SORCS2: variants seen among roughly 807,000 people sequenced by gnomAD.
The protein encoded by SORCS2 is sortilin related VPS10 domain containing receptor 2, also known as VPS10 domain-containing receptor SorCS2.
A neutral mutation model predicts 141.6 loss-of-function variants in SORCS2; 100 were observed. The observed-to-expected ratio is 0.71, with a 90% CI of 0.60 to 0.83. The LOEUF (loss-of-function observed/expected upper bound fraction) is 0.83. Among genes scored for constraint, SORCS2 ranks in the 40% least tolerant of loss-of-function variants. SORCS2 has a pLI of 0.00. For missense variants in SORCS2, 1,646 were observed against 1,560.2 expected (o/e 1.05, Z -0.93); for synonymous variants, 789 against 676.9 (o/e 1.17, Z -2.57).
chr4:7,338,246 T>C (rs1015811879), intron 1 of SORCS2, among the ~76,000 whole-genome samples: 2 of 145,592 alleles, frequency 1.4e-5, no homozygotes, highest in Non-Finnish European at 3.0e-5. Flanking sequence ...GAAGGATGGA[T>C]GGATGGATGG....
At chr4:7,628,379 C>T (rs577851765) in intron 3 of SORCS2, among the ~76,000 whole-genome samples, 4 of 151,996 alleles carry the variant, frequency 2.6e-5, no homozygotes, top group East Asian at 1.9e-4. Context: ...ATTAGCCTGG[C>T]GTGGTGGCGG....
At chr4:7,474,575 C>A (rs548096116) in intron 2 of SORCS2, among the ~76,000 whole-genome samples, 3 of 152,290 alleles carry the variant, frequency 2.0e-5, no homozygotes, top group African/African-American at 7.2e-5. Context: ...TCTGTGAATT[C>A]TGCATGGGGT....
At chr4:7,200,014 G>A (rs1386891814) in intron 1 of SORCS2, among the ~76,000 whole-genome samples, 4 of 144,868 alleles carry the variant, frequency 2.8e-5, no homozygotes, top group Non-Finnish European at 6.0e-5. Context: ...CAGTGGGGAA[G>A]CGCAGAGGTG....
intron 14 of SORCS2, among the ~76,000 whole-genome samples, chr4:7,709,129 CTGTT>C (rs148424884): frequency 1.3e-5 from 2 of 152,206 alleles, no homozygotes; most frequent in Admixed American, 1.3e-4. Context: ...TGCCTGCACT[CTGTT>C]TGTGTTGTGG....
intron 1 of SORCS2, among the ~76,000 whole-genome samples, chr4:7,324,288 GC>G (rs1289085571): frequency 6.6e-6 from 1 of 152,262 alleles, no homozygotes; most frequent in African/African-American, 2.4e-5. Context: ...GAGGCAGGTG[GC>G]TGCAGGGAGC....
intron 1 of SORCS2, among the ~76,000 whole-genome samples, chr4:7,195,860 T>G (rs1727138061): frequency 1.3e-5 from 2 of 152,244 alleles, no homozygotes; most frequent in African/African-American, 4.8e-5. Flanking sequence ...AGCAGTCTTC[T>G]TAACGTTTTC....
chr4:7,530,293 G>C (rs148623469), intron 2 of SORCS2, among the ~76,000 whole-genome samples: 3 of 152,226 alleles, frequency 2.0e-5, no homozygotes, highest in African/African-American at 7.2e-5. Flanking sequence ...GGCCACACAC[G>C]TCAGTGCAGG....
intron 1 of SORCS2, among the ~76,000 whole-genome samples, chr4:7,369,123 A>C (rs2109039718): frequency 1.3e-5 from 2 of 152,300 alleles, no homozygotes; most frequent in African/African-American, 4.8e-5. Context: ...CCTGGCTAAC[A>C]TGGTGAAACC....
intron 1 of SORCS2, among the ~76,000 whole-genome samples, chr4:7,220,801 G>A (rs931123075): frequency 1.3e-5 from 2 of 152,124 alleles, no homozygotes; most frequent in Admixed American, 6.5e-5. Context: ...CTTGGTCACC[G>A]AGCAGTGGGA....
chr4:7,620,452 C>G (rs998958410), intron 3 of SORCS2, among the ~76,000 whole-genome samples: 2 of 152,214 alleles, frequency 1.3e-5, no homozygotes, highest in Non-Finnish European at 2.9e-5. Context: ...ACCCCCACAT[C>G]CATCAGGCAT....
chr4:7,213,376 C>A (rs1309862108), intron 1 of SORCS2, among the ~76,000 whole-genome samples: 7 of 152,198 alleles, frequency 4.6e-5, no homozygotes, highest in African/African-American at 7.2e-5. Context: ...GCATGGAGGG[C>A]AGCCTGGGGA....
At position 7,513,168 on chromosome 4, in the gene SORCS2, G is replaced by T. The variant is rs1024204541; in HGVS notation, c.549-18362G>T. 5.3e-5 allele frequency among the ~76,000 whole-genome samples: 8 copies of T among 152,184 alleles called. No individual in the cohort carries two copies. In the South Asian group the frequency reaches 1.7e-3, roughly 31 times the overall value. ...TTCGCCTCTCTGAGCCTCAGTTTTC[G>T]AATCTCTAGAATGGGACCGTATGTA... On this transcript the variant is annotated intron_variant, in intron 2 of 26. Transcript: ENST00000507866.
chr4:7,592,113 A>G (rs751595851), intron 3 of SORCS2, among the ~76,000 whole-genome samples: 2 of 152,142 alleles, frequency 1.3e-5, no homozygotes, highest in Non-Finnish European at 2.9e-5. Flanking sequence ...TGAAAAAGAT[A>G]CGCTTCGAGT....
intron 2 of SORCS2, among the ~76,000 whole-genome samples, chr4:7,421,161 G>A (rs1033949761): frequency 1.3e-5 from 2 of 152,188 alleles, no homozygotes; most frequent in Admixed American, 1.3e-4. Flanking sequence ...ACAAGCTGTT[G>A]GCTGAAGCCC....
At chr4:7,363,395 C>T (rs1486107861) in intron 1 of SORCS2, among the ~76,000 whole-genome samples, 1 of 152,070 alleles carries the variant, frequency 6.6e-6, no homozygotes, top group African/African-American at 2.4e-5. Flanking sequence ...TTGCTACCAA[C>T]ACCATCACTG....
rs1343497194 is a variant in SORCS2 at position 7,437,062 on chromosome 4, A to G, written c.548+40707A>G. Reference sequence around the variant, plus strand: ...CAACGACCGATTCTTACAGACGCCAACTGGGAGCCCTGTAATTCCTTTCAG... The same window carrying G: ...CAACGACCGATTCTTACAGACGCCAGCTGGGAGCCCTGTAATTCCTTTCAG... On this transcript the variant is annotated intron_variant, in intron 2 of 26. Transcript: ENST00000507866. Among the ~76,000 whole-genome samples, 3 of 152,228 alleles carry G rather than the reference A, an allele frequency of 2.0e-5. No individual in the cohort carries two copies. In the East Asian group the frequency reaches 5.8e-4, roughly 29 times the overall value.
chr4:7,547,421 G>A (rs935581315), intron 3 of SORCS2, among the ~76,000 whole-genome samples: 10 of 152,150 alleles, frequency 6.6e-5, no homozygotes, highest in African/African-American at 1.4e-4. Context: ...TTCTGATGTC[G>A]GTTACTGCAA....
chr4:7,534,948 G>C (rs912668487), intron 3 of SORCS2, among the ~76,000 whole-genome samples: 2 of 152,194 alleles, frequency 1.3e-5, no homozygotes, highest in African/African-American at 2.4e-5. Context: ...GAGTAGGGAG[G>C]CCGAGGCTCC....
chr4:7,388,602 C>T (rs62277561), intron 1 of SORCS2, among the ~76,000 whole-genome samples: 38,065 of 151,982 alleles, frequency 0.25, 5,404 homozygotes, highest in Non-Finnish European at 0.32. Context: ...GTGTTTCCTT[C>T]CAGCATTTCA....
Sources: gnomAD v4.1 joint callset for allele counts (sites outside exome capture counted in the v4.1 genomes callset) on GRCh38, gnomAD v4.1.1 for gene constraint, MANE v1.5 for transcripts, NCBI Gene and HGNC (gene_info 2026-07-23, HGNC 2026-07-21) for gene names.